Variants in PKHD1L1 observed in about 807,000 individuals in gnomAD.
The protein encoded by PKHD1L1 is PKHD1 like 1.
In PKHD1L1, 434 loss-of-function variants were observed where a neutral mutation model predicts 462.9. That is an observed-to-expected ratio of 0.94 (90% CI 0.87 to 1.02). The LOEUF is 1.02. PKHD1L1 is among the 50% of genes least tolerant of loss of function. The probability of loss-of-function intolerance (pLI) is 0.00; values close to 1 mark genes in which losing one functional copy is unlikely to be tolerated. For synonymous variants in PKHD1L1, 1,781 were observed against 1,750.0 expected, an observed-to-expected ratio of 1.02 and a Z score of -0.44; for missense variants, 5,202 against 5,096.1, an observed-to-expected ratio of 1.02 and a Z score of -0.63.
At chr8:109,363,666 AATT>A (rs1372098046) in intron 1 of PKHD1L1, among the ~76,000 whole-genome samples, 6 of 152,106 alleles carry the variant, frequency 3.9e-5, no homozygotes, top group Non-Finnish European at 7.3e-5. Flanking sequence ...TGTTTTAAAG[AATT>A]ATTTGCAATA....
chr8:109,402,931 C>T (rs1416905880), intron 14 of PKHD1L1, among the ~76,000 whole-genome samples: 1 of 152,120 alleles, frequency 6.6e-6, no homozygotes, highest in African/African-American at 2.4e-5. Flanking sequence ...TCTGCTTTCA[C>T]TTCTTTAGAC....
Position 109,406,337 on chromosome 8 carries a change from T to A in PKHD1L1, c.1672T>A (p.Phe558Ile), listed in dbSNP as rs186165980. The A allele has an allele frequency of 1.3e-6, 2 of 1,546,734 alleles. No individual in the cohort carries two copies. The highest frequency in any genetic ancestry group is 2.4e-5 in the South Asian group (2 of 82,820). Residue 558 changes from phenylalanine to isoleucine, a missense_variant and splice_region_variant, in exon 17 of 78, where the codon TTC becomes ATC. By Grantham distance (21) the Phe-to-Ile change is conservative. This residue lies in a region of PKHD1L1 where 4,497 missense variants were observed against 4,336.8 expected (regional missense o/e 1.04). Transcript: ENST00000378402. ...RLIYNMEKTV[F>I]LPADASEFIL... is the part of the protein sequence containing the mutation. ...TGTTTGTTTTAATCCAATCAAAGTC[T>A]TCCTACCTGCTGATGCTTCTGAATT...
At chr8:109,380,845 A>T (rs188029672) in intron 2 of PKHD1L1, among the ~76,000 whole-genome samples, 4 of 152,234 alleles carry the variant, frequency 2.6e-5, no homozygotes, top group African/African-American at 9.6e-5. Context: ...TGAAACAAAG[A>T]CCTCATCCTT....
rs755595143 is a variant in PKHD1L1 at position 109,522,788 on chromosome 8, C to T, written c.12228C>T (p.His4076=). The T allele has an allele frequency of 1.7e-5, 28 of 1,612,050 alleles. No homozygotes were observed. Among genetic ancestry groups the T allele is most frequent in the Non-Finnish European group, 2.2e-5 (26 of 1,179,474 alleles). ...AAAGGTCTGCATTTCCTGTTCATCA[C>T]GTGGCCTTCGTGTCCTCACTCTTAG... ...PVERSAFPVH[H]VAFVSSLLVI... Residue 4076 remains histidine (H), a synonymous_variant, in exon 75 of 78, where the codon CAC becomes CAT. Coordinates refer to ENST00000378402, the MANE Select transcript of PKHD1L1 (RefSeq NM_177531.6).
At chr8:109,483,265 C>G in intron 57 of PKHD1L1, among the ~76,000 whole-genome samples, 160 bp downstream of exon 57, 1 of 151,390 alleles carries the variant, frequency 6.6e-6, no homozygotes, top group East Asian at 1.9e-4. Flanking sequence ...CGATAGGAGG[C>G]ATTTAAAAAT....
chr8:109,424,586 A>G (rs1448920889), intron 23 of PKHD1L1, among the ~76,000 whole-genome samples: 1 of 152,212 alleles, frequency 6.6e-6, no homozygotes, highest in African/African-American at 2.4e-5. Flanking sequence ...TCAATTGATT[A>G]GCACTGAACA....
Position 109,497,261 on chromosome 8 carries a change from G to A in PKHD1L1, c.10588G>A (p.Val3530Ile), listed in dbSNP as rs1163636219. ...ATCACACAAAATTTCCAGTAAAAATGTACAAATTAAGGTAAGAAATTAATA... is the reference window on the plus strand; with the variant it reads ...ATCACACAAAATTTCCAGTAAAAATATACAAATTAAGGTAAGAAATTAATA... ...AISHKISSKN[V>I]QIKSSLIVGS... Residue 3530 changes from valine (V) to isoleucine (I), a missense_variant, in exon 65 of 78, where the codon GTA (valine) becomes ATA (isoleucine). Around this residue, in one of 3 missense-constraint regions of PKHD1L1, gnomAD observed 4,497 missense variants for 4,336.8 expected, o/e 1.04. Transcript: ENST00000378402. 6.2e-6 allele frequency: 10 copies of A among 1,612,996 alleles called. No individual in the cohort carries two copies. In the South Asian group the frequency reaches 6.6e-5, roughly 11 times the overall value.
intron 13 of PKHD1L1, among the ~76,000 whole-genome samples, chr8:109,400,653 C>G (rs546020171): frequency 6.6e-6 from 1 of 151,980 alleles, no homozygotes; most frequent in South Asian, 2.1e-4. Context: ...TGTAGTTTTT[C>G]ACATATTAGT....
chr8:109,480,095 T>C lies in PKHD1L1; in HGVS notation c.9283T>C (p.Ser3095Pro). ...DKYNVGAAES[S>P]YREVVLNATY... ...ATACAATGTAGGAGCTGCAGAATCT[T>C]CTTACAGAGAAGTTGTTTTGAATGC... is the stretch of plus-strand genomic sequence containing the variant. Residue 3095 changes from serine (S) to proline (P), a missense_variant, in exon 55 of 78, where the codon TCT (serine) becomes CCT (proline). Physicochemically the swap from Ser to Pro is moderately conservative, Grantham distance 74. This residue lies in a region of PKHD1L1 where 4,497 missense variants were observed against 4,336.8 expected (regional missense o/e 1.04). Coordinates refer to ENST00000378402, the MANE Select transcript of PKHD1L1 (RefSeq NM_177531.6). The C allele has an allele frequency of 6.3e-7, 1 of 1,579,152 alleles. No homozygotes were observed. Among genetic ancestry groups the C allele is most frequent in the Non-Finnish European group, 8.6e-7 (1 of 1,162,038 alleles).
chr8:109,492,673 A>G (rs1227150118), intron 62 of PKHD1L1, among the ~76,000 whole-genome samples: 1 of 151,916 alleles, frequency 6.6e-6, no homozygotes, highest in Non-Finnish European at 1.5e-5. Context: ...TTATACGTAT[A>G]GAATATCAAT....
intron 22 of PKHD1L1, among the ~76,000 whole-genome samples, chr8:109,419,891 G>T (rs1814376462): frequency 2.0e-5 from 3 of 148,038 alleles, no homozygotes; most frequent in South Asian, 4.5e-4. Context: ...GCTTTCAAGT[G>T]CAAGGTGGTG....
At position 109,497,087 on chromosome 8, in the gene PKHD1L1, G is replaced by A. The variant is rs754306627; in HGVS notation, c.10476+20G>A. 1.9e-6 allele frequency: 3 copies of A among 1,612,408 alleles called. No individual in the cohort carries two copies. Among genetic ancestry groups the A allele is most frequent in the East Asian group, 2.2e-5 (1 of 44,862 alleles). ...TTTCAGGTAATTATGATTAAAGATG[G>A]TGATTGTTTATTTTCTTTTATGATT... On this transcript the variant is annotated intron_variant, in intron 64 of 77. Transcript: ENST00000378402.
chr8:109,410,181 A>G lies in PKHD1L1; in HGVS notation c.2085+203A>G, dbSNP rs184134713. On this transcript the variant is annotated intron_variant, in intron 19 of 77. Transcript: ENST00000378402. Reference sequence around the variant, plus strand: ...CCGTCTATGATTCGTTTGTTAAAAAATTTTTACTACTCATGAATTTTCTTG... The same window carrying G: ...CCGTCTATGATTCGTTTGTTAAAAAGTTTTTACTACTCATGAATTTTCTTG... 6.0e-3 allele frequency among the ~76,000 whole-genome samples: 908 copies of G among 152,276 alleles called. 11 individuals carry two copies. Among genetic ancestry groups the G allele is most frequent in the African/African-American group, 0.021 (864 of 41,558 alleles).
chr8:109,443,082 G>C lies in PKHD1L1; in HGVS notation c.4530G>C (p.Leu1510=). Residue 1510 remains leucine, a synonymous_variant, in exon 36 of 78, where the codon CTG becomes CTC. Transcript: ENST00000378402. ...PAETRHIPLH[L]FVGRSEATYA... ...AAACCAGACACATTCCCTTGCACCT[G>C]TTTGTGGGTCGCTCTGAAGCCACAT... 1 of 1,613,558 alleles carries C rather than the reference G, an allele frequency of 6.2e-7. No homozygotes were observed. The highest frequency in any genetic ancestry group is 1.1e-5 in the South Asian group (1 of 91,048).
At chr8:109,502,573 C>T (rs917285061) in intron 67 of PKHD1L1, among the ~76,000 whole-genome samples, 2 of 152,174 alleles carry the variant, frequency 1.3e-5, no homozygotes, top group East Asian at 1.9e-4. Flanking sequence ...GGTCTCAGAA[C>T]CCAACCATCT....
At position 109,412,307 on chromosome 8, in the gene PKHD1L1, TA is replaced by T; in HGVS notation, c.2129del (p.Tyr710SerfsTer7). The T allele has an allele frequency of 6.2e-7, 1 of 1,613,848 alleles. No individual in the cohort carries two copies. Among genetic ancestry groups the T allele is most frequent in the Admixed American group, 1.7e-5 (1 of 60,016 alleles). On this transcript the variant is annotated frameshift_variant, in exon 20 of 78. Transcript: ENST00000378402. LOFTEE classifies it high-confidence loss of function. ...RGQKTAETDAYCGRYSLKNPA... is the reference protein window; with the variant it reads ...RGQKTAETDAXCGRYSLKNPA... ...GCAGAAGACAGCTGAAACCGATGCT[TA>T]CTGTGGTCGTTATTCCCTGAAAAAC...
Position 109,485,137 on chromosome 8 carries a change from C to A in PKHD1L1, c.9670C>A (p.Leu3224Ile), listed in dbSNP as rs1818462504. The A allele has an allele frequency of 3.8e-6, 6 of 1,595,606 alleles. No homozygotes were observed. Among genetic ancestry groups the A allele is most frequent in the South Asian group, 1.1e-5 (1 of 87,322 alleles). ...TAAAATCCTGCATGATCATAAAATT[C>A]TCATTCTTAATGATAGCCTTTCCTA... is the stretch of plus-strand genomic sequence containing the variant. ...IVKILHDHKILILNDSLSYTH... is the reference protein window; with the variant it reads ...IVKILHDHKIIILNDSLSYTH... Residue 3224 changes from leucine (L) to isoleucine (I), a missense_variant, in exon 58 of 78, where the codon CTC (leucine) becomes ATC (isoleucine). Leu to Ile is a conservative substitution (Grantham distance 5). Around this residue, in one of 3 missense-constraint regions of PKHD1L1, gnomAD observed 4,497 missense variants for 4,336.8 expected, o/e 1.04. Transcript: ENST00000378402.
chr8:109,522,993 C>A, intron 75 of PKHD1L1, 103 bp downstream of exon 75: 1 of 1,244,870 alleles, frequency 8.0e-7, no homozygotes, highest in Non-Finnish European at 1.1e-6. Context: ...GCCTGAGGAT[C>A]ACACGGCCCT....
At chr8:109,488,157 T>C (rs1237806435) in intron 59 of PKHD1L1, among the ~76,000 whole-genome samples, 1 of 151,916 alleles carries the variant, frequency 6.6e-6, no homozygotes, top group African/African-American at 2.4e-5. Context: ...CACTGAAAAA[T>C]AGTTCATATA....
Sources: allele counts gnomAD v4.1 joint callset (sites outside exome capture counted in the v4.1 genomes callset), GRCh38; gene constraint gnomAD v4.1.1; regional missense constraint gnomAD v4.1.1; transcripts MANE v1.5; gene names NCBI Gene and HGNC (gene_info 2026-07-23, HGNC 2026-07-21).